SDCCAG8: variants seen among roughly 807,000 people sequenced by gnomAD.
SDCCAG8 encodes the protein SHH signaling and ciliogenesis regulator SDCCAG8.
A neutral mutation model predicts 101.8 loss-of-function variants in SDCCAG8; 74 were observed. The observed-to-expected ratio is 0.73, with a 90% CI of 0.60 to 0.88. The LOEUF is 0.88. Among genes scored for constraint, SDCCAG8 ranks in the 40% least tolerant of loss-of-function variants. The pLI is 0.00. For missense variants in SDCCAG8, 787 were observed against 822.6 expected, an observed-to-expected ratio of 0.96 and a Z score of 0.53; for synonymous variants, 281 against 292.9, an observed-to-expected ratio of 0.96 and a Z score of 0.41.
intron 16 of SDCCAG8, among the ~76,000 whole-genome samples, chr1:243,440,499 G>A (rs1035981743): frequency 8.5e-5 from 13 of 152,096 alleles, no homozygotes; most frequent in African/African-American, 1.4e-4. Flanking sequence ...TTTGCCTGTC[G>A]GAGAGCCTAT....
chr1:243,465,682 T>C (rs1315380055), intron 16 of SDCCAG8, among the ~76,000 whole-genome samples: 2 of 152,252 alleles, frequency 1.3e-5, no homozygotes, highest in Non-Finnish European at 2.9e-5. Context: ...TTTCAGACAC[T>C]ATAATTTAAA....
rs540394038 is a variant in SDCCAG8 at position 243,381,010 on chromosome 1, GAC to G, written c.1616+2148_1616+2149del. Among the ~76,000 whole-genome samples the G allele has an allele frequency of 8.0e-4, 121 of 152,052 alleles. 1 individual carries two copies. Among genetic ancestry groups the G allele is most frequent in the African/African-American group, 2.7e-3 (114 of 41,472 alleles). ...ATTGATTCAGTATACTCAGGTGTGT[GAC>G]TGAGAAATGTTGTGTCGTTCTTTTT... On this transcript the variant is annotated intron_variant, in intron 13 of 17. Transcript: ENST00000366541.
At chr1:243,491,494 G>C (rs1666405629) in intron 17 of SDCCAG8, among the ~76,000 whole-genome samples, 1 of 152,204 alleles carries the variant, frequency 6.6e-6, no homozygotes, top group South Asian at 2.1e-4. Context: ...GCTTTCAGTT[G>C]CAAATACTAG....
chr1:243,335,927 T>C (rs928081910), intron 10 of SDCCAG8, among the ~76,000 whole-genome samples: 2 of 152,228 alleles, frequency 1.3e-5, no homozygotes, highest in African/African-American at 4.8e-5. Context: ...CACTTAGGAC[T>C]ACGGCCTCCA....
intron 4 of SDCCAG8, among the ~76,000 whole-genome samples, chr1:243,283,935 G>T (rs557193645): frequency 4.3e-4 from 65 of 152,138 alleles, no homozygotes; most frequent in African/African-American, 1.5e-3. Context: ...GTAGAGATGG[G>T]GTTTCACTAT....
chr1:243,494,460 A>T (rs1558551963), intron 17 of SDCCAG8, among the ~76,000 whole-genome samples: 1 of 152,236 alleles, frequency 6.6e-6, no homozygotes, highest in Non-Finnish European at 1.5e-5. Flanking sequence ...TTAAAAAATG[A>T]CACAAGACCC....
chr1:243,395,025 C>T (rs577900574), intron 13 of SDCCAG8, among the ~76,000 whole-genome samples: 16 of 152,210 alleles, frequency 1.1e-4, no homozygotes, highest in Admixed American at 7.9e-4. Flanking sequence ...GTAATGATTT[C>T]GTTTCCCGTT....
intron 16 of SDCCAG8, among the ~76,000 whole-genome samples, chr1:243,468,842 C>T (rs989608070): frequency 6.6e-6 from 1 of 152,192 alleles, no homozygotes; most frequent in Non-Finnish European, 1.5e-5. Context: ...ATACTTCCTA[C>T]ATAACAGAGC....
intron 16 of SDCCAG8, among the ~76,000 whole-genome samples, chr1:243,473,922 C>CG (rs1160227361): frequency 2.6e-4 from 2 of 7,788 alleles, no homozygotes; most frequent in Non-Finnish European, 5.2e-4. Context: ...GAGTTGCCGG[C>CG]GGGGGGGGGG....
chr1:243,311,248 A>G (rs1178736650), intron 8 of SDCCAG8, among the ~76,000 whole-genome samples: 2 of 152,200 alleles, frequency 1.3e-5, no homozygotes, highest in Non-Finnish European at 2.9e-5. Context: ...AAGTAGTTCT[A>G]TGTGTATTAA....
At chr1:243,303,593 T>G (rs1223268938) in intron 6 of SDCCAG8, among the ~76,000 whole-genome samples, 2 of 152,182 alleles carry the variant, frequency 1.3e-5, no homozygotes, top group African/African-American at 4.8e-5. Context: ...ATTTAATGAG[T>G]AGAAAATACT....
intron 5 of SDCCAG8, among the ~76,000 whole-genome samples, chr1:243,292,335 A>T (rs2070353626): frequency 6.6e-6 from 1 of 152,162 alleles, no homozygotes; most frequent in South Asian, 2.1e-4. Flanking sequence ...ATACGAAAGG[A>T]TACTCTTATC....
chr1:243,324,571 T>C (rs1463574198), intron 9 of SDCCAG8, among the ~76,000 whole-genome samples: 1 of 145,000 alleles, frequency 6.9e-6, no homozygotes, highest in Non-Finnish European at 1.5e-5. Flanking sequence ...TGATTCTCCC[T>C]CCTTAGCCCC....
chr1:243,376,998 T>C (rs372578198), intron 12 of SDCCAG8, among the ~76,000 whole-genome samples: 4 of 152,302 alleles, frequency 2.6e-5, no homozygotes, highest in East Asian at 3.9e-4. Flanking sequence ...TCTTTCTCAC[T>C]TTTCTTGCTC....
At chr1:243,431,088 T>G (rs1471720565) in intron 16 of SDCCAG8, among the ~76,000 whole-genome samples, 1 of 151,986 alleles carries the variant, frequency 6.6e-6, no homozygotes, top group Non-Finnish European at 1.5e-5. Flanking sequence ...TCCTAGCTAC[T>G]CGGGAGGGTG....
chr1:243,357,313 A>G (rs1196025782), intron 12 of SDCCAG8, among the ~76,000 whole-genome samples: 1 of 152,108 alleles, frequency 6.6e-6, no homozygotes, highest in Non-Finnish European at 1.5e-5. Context: ...TGGGAGACGG[A>G]GGTTGCAGTG....
Position 243,499,739 on chromosome 1 carries a change from T to TTTA in SDCCAG8, c.2113-11_2113-9dup, listed in dbSNP as rs1304405458. 4 of 1,604,058 alleles carry TTTA rather than the reference T, an allele frequency of 2.5e-6. No homozygotes were observed. Among genetic ancestry groups the TTTA allele is most frequent in the African/African-American group, 2.7e-5 (2 of 74,738 alleles). ...GAACATGAGCTATTGAAACTTACTT[T>TTTA]TTATTATTTTTTCCAGTTACCCAGC... On this transcript the variant is annotated splice_polypyrimidine_tract_variant and intron_variant, in intron 17 of 17. Transcript: ENST00000366541.
intron 13 of SDCCAG8, among the ~76,000 whole-genome samples, chr1:243,398,711 A>G (rs1004355267): frequency 9.8e-5 from 15 of 152,346 alleles, no homozygotes; most frequent in Middle Eastern, 6.8e-3. Flanking sequence ...TTCAAATTGA[A>G]AGACAGTAAA....
rs553350784 is a variant in SDCCAG8, at chr1:243,266,817, C to G, written c.68-3288C>G. Reference sequence around the variant, plus strand: ...AATTAGCTGGGCACTGTGGCACATGCCTGCAATCCCAGCCACTCAGGAGGC... The same window carrying G: ...AATTAGCTGGGCACTGTGGCACATGGCTGCAATCCCAGCCACTCAGGAGGC... On this transcript the variant is annotated intron_variant, in intron 1 of 17. Coordinates refer to ENST00000366541, the MANE Select transcript of SDCCAG8 (RefSeq NM_006642.5). Among the ~76,000 whole-genome samples the G allele has an allele frequency of 1.8e-3, 267 of 146,308 alleles. 5 individuals carry two copies. The highest frequency in any genetic ancestry group is 7.6e-4 in the Non-Finnish European group (51 of 66,864).
Sources: allele counts gnomAD v4.1 joint callset (sites outside exome capture counted in the v4.1 genomes callset), GRCh38; gene constraint gnomAD v4.1.1; transcripts MANE v1.5; gene names NCBI Gene and HGNC (gene_info 2026-07-23, HGNC 2026-07-21).